Variants in CADM2 observed in about 807,000 individuals in gnomAD.
The protein encoded by CADM2 is cell adhesion molecule 2.
A neutral mutation model predicts 49.8 loss-of-function variants in CADM2; 12 were observed. The ratio of observed to expected loss-of-function variants is 0.24; its 90% confidence interval spans 0.15 to 0.39. The LOEUF (loss-of-function observed/expected upper bound fraction) is 0.39. Ranked by LOEUF, CADM2 falls within the 10% of genes least tolerant of loss-of-function variation. CADM2 has a pLI of 1.00. For missense variants in CADM2, 378 were observed against 492.3 expected (o/e 0.77, Z 2.20); for synonymous variants, 214 against 175.4 (o/e 1.22, Z -1.74).
intron 1 of CADM2, among the ~76,000 whole-genome samples, chr3:85,403,292 C>T (rs1219636076): frequency 6.6e-6 from 1 of 152,088 alleles, no homozygotes; most frequent in Non-Finnish European, 1.5e-5. Flanking sequence ...GCACACCAAA[C>T]CGAAATTGAG....
At chr3:85,785,167 T>C (rs2070905352) in intron 2 of CADM2, among the ~76,000 whole-genome samples, 1 of 152,130 alleles carries the variant, frequency 6.6e-6, no homozygotes, top group South Asian at 2.1e-4. Context: ...CTTGGGTCTT[T>C]TTTCTGTTTT....
chr3:85,447,698 C>T (rs1333357707), intron 1 of CADM2, among the ~76,000 whole-genome samples: 2 of 152,182 alleles, frequency 1.3e-5, no homozygotes, highest in Non-Finnish European at 2.9e-5. Flanking sequence ...AAATGACATT[C>T]AGCCATACAT....
chr3:85,091,773 G>C (rs1462827957), intron 1 of CADM2, among the ~76,000 whole-genome samples: 1 of 152,068 alleles, frequency 6.6e-6, no homozygotes. Context: ...CCCTCTCAGT[G>C]TGTCTCTGTC....
intron 1 of CADM2, among the ~76,000 whole-genome samples, chr3:85,040,448 A>G (rs184016176): frequency 6.6e-6 from 1 of 152,292 alleles, no homozygotes; most frequent in Admixed American, 6.5e-5. Context: ...TCATTAATGC[A>G]GATTAGCGTC....
chr3:85,384,570 T>G (rs1187235203), intron 1 of CADM2, among the ~76,000 whole-genome samples: 1 of 152,096 alleles, frequency 6.6e-6, no homozygotes, highest in Non-Finnish European at 1.5e-5. Flanking sequence ...CGCCTCAGCC[T>G]CCCAAACTGC....
intron 1 of CADM2, among the ~76,000 whole-genome samples, chr3:85,642,347 A>C (rs2107555845): frequency 6.6e-6 from 1 of 152,336 alleles, no homozygotes. Context: ...ACTAAAAAGT[A>C]TTATATAGAG....
In CADM2 at chr3:85,704,299, G is replaced by T. The variant is rs73845622; in HGVS notation, c.62-22223G>T. ...GAAACAGATAATTTCTATGCAAGAC[G>T]ATAAATGGGACAGTAAAAATAGCAG... On this transcript the variant is annotated intron_variant, in intron 1 of 9. Coordinates refer to ENST00000383699, the MANE Select transcript of CADM2 (RefSeq NM_001167675.2). 1.6e-3 allele frequency among the ~76,000 whole-genome samples: 241 copies of T among 152,306 alleles called. 2 individuals carry two copies. The highest frequency in any genetic ancestry group is 5.6e-3 in the African/African-American group (234 of 41,562).
At chr3:85,508,831 GTGTGTA>G (rs1220276765) in intron 1 of CADM2, among the ~76,000 whole-genome samples, 5 of 53,054 alleles carry the variant, frequency 9.4e-5, no homozygotes, top group Non-Finnish European at 1.2e-4. Flanking sequence ...ATATCTCTGT[GTGTGTA>G]TGTGTGTGTG....
chr3:86,040,742 A>G (rs2107236500), intron 8 of CADM2, among the ~76,000 whole-genome samples: 1 of 152,272 alleles, frequency 6.6e-6, no homozygotes, highest in African/African-American at 2.4e-5. Flanking sequence ...CACCACAAAG[A>G]TACTCCTCGA....
At chr3:85,858,410 T>A (rs2075394684) in intron 3 of CADM2, among the ~76,000 whole-genome samples, 1 of 152,226 alleles carries the variant, frequency 6.6e-6, no homozygotes, top group Non-Finnish European at 1.5e-5. Context: ...ACTAATGGGC[T>A]TAAATTACTA....
At chr3:85,620,589 A>G (rs770130773) in intron 1 of CADM2, among the ~76,000 whole-genome samples, 4 of 152,078 alleles carry the variant, frequency 2.6e-5, no homozygotes, top group Non-Finnish European at 5.9e-5. Context: ...TTTGCTAGTA[A>G]TAGTTCATTG....
chr3:85,063,260 T>C (rs1051676607), intron 1 of CADM2, among the ~76,000 whole-genome samples: 10 of 152,002 alleles, frequency 6.6e-5, no homozygotes, highest in Non-Finnish European at 1.2e-4. Flanking sequence ...GGAAATGTAA[T>C]TAAATGGAAT....
At chr3:85,235,998 T>C (rs919185669) in intron 1 of CADM2, among the ~76,000 whole-genome samples, 2 of 152,106 alleles carry the variant, frequency 1.3e-5, no homozygotes, top group Non-Finnish European at 2.9e-5. Flanking sequence ...TCAGACTGTG[T>C]TGCTACCCTT....
chr3:86,004,830 C>T (rs940904210), intron 8 of CADM2, among the ~76,000 whole-genome samples: 2 of 152,178 alleles, frequency 1.3e-5, no homozygotes, highest in Non-Finnish European at 2.9e-5. Context: ...GACTGAAGTT[C>T]AGTGGTAACT....
intron 1 of CADM2, among the ~76,000 whole-genome samples, chr3:85,699,010 G>T (rs1457121159): frequency 6.6e-6 from 1 of 152,184 alleles, no homozygotes; most frequent in South Asian, 2.1e-4. Context: ...TACAGGCATT[G>T]GGTAAATACT....
intron 1 of CADM2, among the ~76,000 whole-genome samples, chr3:85,695,305 AT>A (rs1351596227): frequency 6.6e-6 from 1 of 152,034 alleles, no homozygotes; most frequent in Non-Finnish European, 1.5e-5. Context: ...ATTGTACCCA[AT>A]AGGTGATTTT....
intron 1 of CADM2, among the ~76,000 whole-genome samples, chr3:85,106,440 C>T (rs907543818): frequency 3.3e-5 from 5 of 151,956 alleles, no homozygotes; most frequent in African/African-American, 1.2e-4. Context: ...TGAACCATTC[C>T]AGAATGAACA....
chr3:85,483,227 A>T (rs191316467), intron 1 of CADM2, among the ~76,000 whole-genome samples: 1 of 151,684 alleles, frequency 6.6e-6, no homozygotes, highest in Admixed American at 6.6e-5. Flanking sequence ...TCATCAGAAT[A>T]TTTATTTCCA....
intron 1 of CADM2, chr3:85,511,749 G>T: frequency 3.6e-6 from 1 of 278,250 alleles, no homozygotes; most frequent in Non-Finnish European, 5.4e-6. Flanking sequence ...AATAGAGGTT[G>T]GAATGAGAAT....
Sources: allele counts gnomAD v4.1 joint callset (sites outside exome capture counted in the v4.1 genomes callset), GRCh38; gene constraint gnomAD v4.1.1; transcripts MANE v1.5; gene names NCBI Gene and HGNC (gene_info 2026-07-23, HGNC 2026-07-21).